The following ALCAM variants were observed in gnomAD, a reference collection of about 807,000 sequenced individuals.
ALCAM encodes the protein CD166 antigen.
In ALCAM, 30 loss-of-function variants were observed where a neutral mutation model predicts 70.9. That is an observed-to-expected ratio of 0.42 (90% confidence interval 0.32 to 0.57). ALCAM has a LOEUF of 0.57. Among genes scored for constraint, ALCAM ranks in the 20% least tolerant of loss-of-function variants. The pLI is 0.11. For synonymous variants in ALCAM, 249 were observed against 242.5 expected (o/e 1.03, Z -0.25); for missense variants, 591 against 695.1 (o/e 0.85, Z 1.68).
chr3:105,417,406 C>G (rs1936532136), intron 1 of ALCAM, among the ~76,000 whole-genome samples: 1 of 151,176 alleles, frequency 6.6e-6, no homozygotes, highest in African/African-American at 2.4e-5. Flanking sequence ...CAGTTTGGTC[C>G]AAGTATATAT....
intron 1 of ALCAM, among the ~76,000 whole-genome samples, chr3:105,402,030 G>A (rs1285336780): frequency 1.3e-5 from 2 of 150,646 alleles, no homozygotes; most frequent in Admixed American, 6.6e-5. Context: ...AGTGAATGAT[G>A]ACAAACAGGA....
At chr3:105,499,185 T>C (rs1185464323) in intron 1 of ALCAM, among the ~76,000 whole-genome samples, 1 of 152,154 alleles carries the variant, frequency 6.6e-6, no homozygotes, top group Non-Finnish European at 1.5e-5. Context: ...GTAGAATTTT[T>C]CAAAGCCCTG....
chr3:105,547,101 A>G (rs1940268138), intron 9 of ALCAM, 48 bp from the exon 10 acceptor site: 1 of 1,455,840 alleles, frequency 6.9e-7, no homozygotes, highest in East Asian at 2.4e-5. Context: ...AAATACACTG[A>G]GAATTTTAAT....
chr3:105,413,463 G>A (rs902447793), intron 1 of ALCAM, among the ~76,000 whole-genome samples: 5 of 152,012 alleles, frequency 3.3e-5, no homozygotes, highest in African/African-American at 1.2e-4. Flanking sequence ...CAATCTTACA[G>A]ACCTGGGTGA....
intron 1 of ALCAM, among the ~76,000 whole-genome samples, chr3:105,406,489 G>A (rs1308384650): frequency 6.6e-6 from 1 of 152,046 alleles, no homozygotes; most frequent in Non-Finnish European, 1.5e-5. Context: ...AGCTGTTAGT[G>A]AGAGCTGACC....
At chr3:105,565,957 A>G (rs1196476860) in intron 14 of ALCAM, among the ~76,000 whole-genome samples, 1 of 152,026 alleles carries the variant, frequency 6.6e-6, no homozygotes, top group Non-Finnish European at 1.5e-5. Flanking sequence ...TTGGGTCCTT[A>G]TTTTTGGCAC....
At position 105,367,040 on chromosome 3, in the gene ALCAM, G is replaced by A; in HGVS notation, c.-369G>A. 5.4e-6 allele frequency: 1 copy of A among 184,222 alleles called. No individual in the cohort carries two copies. The highest frequency in any genetic ancestry group is 1.6e-4 in the East Asian group (1 of 6,214). 11.4% of individuals were successfully genotyped at this position (184,222 alleles called of 1,614,324 possible). A position where few individuals can be genotyped will look rare whatever the true frequency, so the allele number is the denominator to read the frequency against. ...CTGGCGTTTCATGCACATTGCCACT[G>A]CCATTATTATTATCATTCCAATACA... On this transcript the variant is annotated 5_prime_UTR_variant, in exon 1 of 16. Coordinates refer to ENST00000306107, the MANE Select transcript of ALCAM (RefSeq NM_001627.4).
chr3:105,455,556 A>G (rs778839610), intron 1 of ALCAM, among the ~76,000 whole-genome samples: 1 of 152,172 alleles, frequency 6.6e-6, no homozygotes, highest in Non-Finnish European at 1.5e-5. Flanking sequence ...GTACAGATGG[A>G]ACTGTGTTAG....
At chr3:105,567,773 C>T (rs540275157) in intron 14 of ALCAM, among the ~76,000 whole-genome samples, 1 of 152,216 alleles carries the variant, frequency 6.6e-6, no homozygotes, top group Non-Finnish European at 1.5e-5. Flanking sequence ...TCTGCATCAC[C>T]TAAGGACATT....
At chr3:105,488,131 TTCCTG>T (rs1938483203) in intron 1 of ALCAM, among the ~76,000 whole-genome samples, 1 of 152,134 alleles carries the variant, frequency 6.6e-6, no homozygotes, top group Non-Finnish European at 1.5e-5. Context: ...AACCCTTGTT[TTCCTG>T]TCTCACCATG....
intron 1 of ALCAM, among the ~76,000 whole-genome samples, chr3:105,502,737 G>A (rs1251830908): frequency 3.9e-5 from 6 of 152,208 alleles, no homozygotes; most frequent in African/African-American, 1.4e-4. Flanking sequence ...TGTATGTCAA[G>A]TCAAAACTGA....
intron 7 of ALCAM, among the ~76,000 whole-genome samples, chr3:105,540,497 A>T (rs187178841): frequency 6.6e-6 from 1 of 152,110 alleles, no homozygotes; most frequent in East Asian, 1.9e-4. Context: ...AGAAGTAGGG[A>T]TAGTTCTGTT....
rs1375021338 is a variant in ALCAM at position 105,574,506 on chromosome 3, A to C, written c.*55A>C. 6.6e-6 allele frequency: 1 copy of C among 152,504 alleles called. No homozygotes were observed. The highest frequency in any genetic ancestry group is 1.5e-5 in the Non-Finnish European group (1 of 68,018). 9.4% of individuals were successfully genotyped at this position (152,504 alleles called of 1,614,324 possible). On this transcript the variant is annotated 3_prime_UTR_variant, in exon 16 of 16. Transcript: ENST00000306107. ...AAAAATCATATAGACCAATTGAAGCATGAACGTGGATTGTATTTAAGACAT... is the reference window on the plus strand; with the variant it reads ...AAAAATCATATAGACCAATTGAAGCCTGAACGTGGATTGTATTTAAGACAT...
intron 15 of ALCAM, among the ~76,000 whole-genome samples, chr3:105,574,121 G>A (rs776445497): frequency 7.2e-5 from 11 of 151,744 alleles, no homozygotes; most frequent in African/African-American, 1.7e-4. Context: ...CTTCAAAATC[G>A]TATAACTTCT....
chr3:105,480,720 C>T (rs1224330164), intron 1 of ALCAM, among the ~76,000 whole-genome samples: 1 of 152,020 alleles, frequency 6.6e-6, no homozygotes, highest in African/African-American at 2.4e-5. Context: ...TTTTTTTAAG[C>T]TGTTATTTGC....
In ALCAM at chr3:105,571,248, AAG is replaced by A. The variant is rs1336381290; in HGVS notation, c.1665-603_1665-602del. On this transcript the variant is annotated intron_variant, in intron 14 of 15. Coordinates refer to ENST00000306107, the MANE Select transcript of ALCAM (RefSeq NM_001627.4). The stretch of plus-strand genomic sequence containing the variant: ...GGGCCCGAGAATTTGCATTTCTTGC[AAG>A]TTCACAGGGGATGCTGATACTGCTG... Among the ~76,000 whole-genome samples, 11 of 152,270 alleles carry A rather than the reference AAG, an allele frequency of 7.2e-5. No individual in the cohort carries two copies. The East Asian group carries it at 2.1e-3, about 29-fold the overall frequency.
chr3:105,534,339 G>A (rs537808824), intron 5 of ALCAM, among the ~76,000 whole-genome samples: 1 of 152,240 alleles, frequency 6.6e-6, no homozygotes, highest in Non-Finnish European at 1.5e-5. Context: ...GTTACTTTAA[G>A]TATGTACTAA....
intron 1 of ALCAM, among the ~76,000 whole-genome samples, chr3:105,483,485 C>A (rs1414594901): frequency 2.6e-5 from 4 of 152,002 alleles, no homozygotes; most frequent in African/African-American, 9.6e-5. Flanking sequence ...AATTAGTGAC[C>A]TAAAGAAAAT....
At chr3:105,400,131 G>A (rs1180052445) in intron 1 of ALCAM, among the ~76,000 whole-genome samples, 6 of 152,106 alleles carry the variant, frequency 3.9e-5, no homozygotes. Context: ...GCTGATAAAA[G>A]GGCATAGATG....
Sources: allele counts gnomAD v4.1 joint callset (sites outside exome capture counted in the v4.1 genomes callset), GRCh38; gene constraint gnomAD v4.1.1; transcripts MANE v1.5; gene names NCBI Gene and HGNC (gene_info 2026-07-23, HGNC 2026-07-21).